The following NRG3 variants were observed in gnomAD, a reference collection of about 807,000 sequenced individuals.
The protein encoded by NRG3 is neuregulin 3.
A neutral mutation model predicts 66.9 loss-of-function variants in NRG3; 31 were observed. The ratio of observed to expected loss-of-function variants is 0.46; its 90% CI spans 0.35 to 0.63. The LOEUF is 0.63. Ranked by LOEUF, NRG3 falls within the 20% of genes least tolerant of loss-of-function variation. The pLI, the probability that NRG3 is intolerant of heterozygous loss-of-function variation, is 0.00. For synonymous variants in NRG3, 393 were observed against 359.4 expected, an observed-to-expected ratio of 1.09 and a Z score of -1.06; for missense variants, 910 against 878.9, an observed-to-expected ratio of 1.04 and a Z score of -0.45.
chr10:82,217,930 A>G (rs578189848), intron 1 of NRG3, among the ~76,000 whole-genome samples: 1 of 152,302 alleles, frequency 6.6e-6, no homozygotes, highest in African/African-American at 2.4e-5. Context: ...TTTTTATTTC[A>G]CTATGAATAT....
chr10:82,918,416 C>G (rs1409313362), intron 4 of NRG3, among the ~76,000 whole-genome samples: 1 of 152,112 alleles, frequency 6.6e-6, no homozygotes, highest in Non-Finnish European at 1.5e-5. Context: ...TCACAAACCA[C>G]AAGGTTATTT....
intron 1 of NRG3, among the ~76,000 whole-genome samples, chr10:82,210,120 A>G (rs577716390): frequency 2.0e-5 from 3 of 152,188 alleles, no homozygotes; most frequent in African/African-American, 7.2e-5. Context: ...TTGCTATAAC[A>G]TATCAAAATG....
chr10:82,300,973 A>C (rs1428885927), intron 1 of NRG3, among the ~76,000 whole-genome samples: 1 of 152,164 alleles, frequency 6.6e-6, no homozygotes, highest in Non-Finnish European at 1.5e-5. Context: ...CTTTAAATTT[A>C]AAAAGAAGAA....
chr10:82,905,150 C>A (rs1213079099), intron 4 of NRG3, among the ~76,000 whole-genome samples: 1 of 152,184 alleles, frequency 6.6e-6, no homozygotes, highest in Non-Finnish European at 1.5e-5. Flanking sequence ...TACCCATGGT[C>A]TTTATATTTA....
intron 1 of NRG3, among the ~76,000 whole-genome samples, chr10:81,990,945 AAAT>A (rs1465955951): frequency 6.6e-6 from 1 of 152,184 alleles, no homozygotes; most frequent in Non-Finnish European, 1.5e-5. Context: ...AAATTGGTTG[AAAT>A]GAGTCAAATT....
chr10:82,941,919 C>T (rs962256010), intron 4 of NRG3, among the ~76,000 whole-genome samples: 1 of 152,100 alleles, frequency 6.6e-6, no homozygotes, highest in Non-Finnish European at 1.5e-5. Context: ...AGTGGCAACA[C>T]ATAGGATCTG....
chr10:82,917,647 G>A (rs1035040716), intron 4 of NRG3, among the ~76,000 whole-genome samples: 7 of 152,080 alleles, frequency 4.6e-5, no homozygotes, highest in African/African-American at 1.7e-4. Flanking sequence ...TTGGAGTCAT[G>A]ACTGGACCAT....
intron 1 of NRG3, among the ~76,000 whole-genome samples, chr10:81,988,984 G>C (rs574932538): frequency 7.2e-5 from 11 of 151,958 alleles, no homozygotes; most frequent in Admixed American, 7.2e-4. Flanking sequence ...TTGAAGTAAC[G>C]CAAGTGAGGC....
At chr10:82,550,031 T>G (rs970890348) in intron 2 of NRG3, among the ~76,000 whole-genome samples, 2 of 152,094 alleles carry the variant, frequency 1.3e-5, no homozygotes, top group Admixed American at 1.3e-4. Context: ...TTCCCTCATC[T>G]AAAGAAATTT....
intron 1 of NRG3, among the ~76,000 whole-genome samples, chr10:81,903,995 T>A (rs1844336549): frequency 1.2e-5 from 1 of 84,388 alleles, no homozygotes; most frequent in African/African-American, 7.2e-5. Context: ...TATATATATA[T>A]ATTTTTTTTT....
chr10:82,433,747 T>C (rs1015016994), intron 2 of NRG3, among the ~76,000 whole-genome samples: 2 of 152,182 alleles, frequency 1.3e-5, no homozygotes, highest in African/African-American at 4.8e-5. Flanking sequence ...TTGTTGAAGA[T>C]CAGATGGTTG....
At chr10:82,552,882 C>T (rs2044408527) in intron 2 of NRG3, among the ~76,000 whole-genome samples, 1 of 152,038 alleles carries the variant, frequency 6.6e-6, no homozygotes, top group South Asian at 2.1e-4. Flanking sequence ...CCTTGGGCCT[C>T]CTGTCCTTTG....
At chr10:82,140,011 C>T (rs1258670315) in intron 1 of NRG3, among the ~76,000 whole-genome samples, 1 of 151,946 alleles carries the variant, frequency 6.6e-6, no homozygotes, top group Non-Finnish European at 1.5e-5. Flanking sequence ...TGACCCAGTA[C>T]CTGAATCAAA....
intron 4 of NRG3, among the ~76,000 whole-genome samples, chr10:82,946,264 G>A (rs927201725): frequency 3.3e-5 from 5 of 151,436 alleles, no homozygotes; most frequent in Non-Finnish European, 7.4e-5. Context: ...CAGAAGGCGT[G>A]GAGCATTGGC....
chr10:82,022,761 G>T (rs914922890), intron 1 of NRG3, among the ~76,000 whole-genome samples: 7 of 151,934 alleles, frequency 4.6e-5, no homozygotes, highest in African/African-American at 1.7e-4. Context: ...GCAACATGCT[G>T]TAAGTGGAAA....
intron 1 of NRG3, among the ~76,000 whole-genome samples, chr10:81,970,370 A>C (rs1192406424): frequency 6.6e-6 from 1 of 152,224 alleles, no homozygotes; most frequent in Non-Finnish European, 1.5e-5. Flanking sequence ...GTGCAAAATA[A>C]TTGCAACAAC....
chr10:82,092,956 A>T (rs1255282333), intron 1 of NRG3, among the ~76,000 whole-genome samples: 1 of 152,112 alleles, frequency 6.6e-6, no homozygotes, highest in Admixed American at 6.6e-5. Flanking sequence ...TTTTCTTTCC[A>T]TGTGCAATGA....
chr10:82,877,303 C>A (rs555427693), intron 4 of NRG3, among the ~76,000 whole-genome samples: 1 of 151,226 alleles, frequency 6.6e-6, no homozygotes, highest in Non-Finnish European at 1.5e-5. Context: ...GGCCTTGTAC[C>A]AGGCCAGCTA....
rs754218816 is a variant in NRG3 at position 82,522,895 on chromosome 10, CT to C, written c.953+164028del. ...ACATTTTTGCTACTCAGAAAGACCCCTGTAGGCCTTTGCTATTACCTCTCAA... is the reference window on the plus strand; with the variant it reads ...ACATTTTTGCTACTCAGAAAGACCCCGTAGGCCTTTGCTATTACCTCTCAA... On this transcript the variant is annotated intron_variant, in intron 2 of 8. Coordinates refer to ENST00000372141, the MANE Select transcript of NRG3 (RefSeq NM_001010848.4). Among the ~76,000 whole-genome samples, 7 of 152,280 alleles carry C rather than the reference CT, an allele frequency of 4.6e-5. No homozygotes were observed. The East Asian group carries it at 1.3e-3, about 29-fold the overall frequency.
Sources: gnomAD v4.1 joint callset for allele counts (sites outside exome capture counted in the v4.1 genomes callset) on GRCh38, gnomAD v4.1.1 for gene constraint, MANE v1.5 for transcripts, NCBI Gene and HGNC (gene_info 2026-07-23, HGNC 2026-07-21) for gene names.